The following RAC1 variants were observed in gnomAD, a reference collection of about 807,000 sequenced individuals.
RAC1 encodes ras-related C3 botulinum toxin substrate 1.
Under a neutral mutation model 25.2 loss-of-function variants are expected in RAC1, and 2 were observed. The ratio of observed to expected loss-of-function variants is 0.08; its 90% confidence interval spans 0.03 to 0.25. The LOEUF is 0.25. RAC1 is among the 10% of genes least tolerant of loss of function. The pLI, the probability that RAC1 is intolerant of heterozygous loss-of-function variation, is 1.00. For missense variants in RAC1, 50 were observed against 235.7 expected, an observed-to-expected ratio of 0.21 and a Z score of 5.16; for synonymous variants, 88 against 94.0, an observed-to-expected ratio of 0.94 and a Z score of 0.37.
rs549202600 is a variant in RAC1, at chr7:6,402,249, C to T, written c.449-67C>T. On this transcript the variant is annotated intron_variant, in intron 5 of 5. Transcript: ENST00000348035. ...CGCCCGGGCCCCAGGAGCTGCCTCCCGCTGGTGGTGTGATCAGAAGAGAGT... is the reference window on the plus strand; with the variant it reads ...CGCCCGGGCCCCAGGAGCTGCCTCCTGCTGGTGGTGTGATCAGAAGAGAGT... 336 of 1,532,444 alleles carry T rather than the reference C, an allele frequency of 2.2e-4. 2 individuals are homozygous for T. The highest frequency in any genetic ancestry group is 2.2e-3 in the South Asian group (171 of 78,202). 94.9% of individuals were successfully genotyped at this position (1,532,444 alleles called of 1,614,324 possible). A position where few individuals can be genotyped will look rare whatever the true frequency, so the allele number is the denominator to read the frequency against.
intron 3 of RAC1, 170 bp from the exon 4 acceptor site, chr7:6,399,956 T>C (rs1783349135): frequency 1.6e-6 from 1 of 621,082 alleles, no homozygotes; most frequent in Non-Finnish European, 2.9e-6. Flanking sequence ...CTGGGTTTGG[T>C]TTGGGAGCCC....
chr7:6,391,490 G>A, intron 2 of RAC1: 1 of 187,514 alleles, frequency 5.3e-6, no homozygotes, highest in Middle Eastern at 2.3e-3. Flanking sequence ...CTACACTCAG[G>A]CCTTCTGGAA....
At chr7:6,397,244 A>AAAAAAAAAG (rs145675252) in intron 3 of RAC1, among the ~76,000 whole-genome samples, 1 of 145,778 alleles carries the variant, frequency 6.9e-6, no homozygotes, top group Admixed American at 6.9e-5. Context: ...CTGTCTCAAA[A>AAAAAAAAAG]AAAAAAAAGA....
intron 1 of RAC1, among the ~76,000 whole-genome samples, chr7:6,384,354 C>CA: frequency 1.3e-5 from 2 of 152,318 alleles, no homozygotes; most frequent in East Asian, 3.9e-4. Flanking sequence ...TGCCACACTG[C>CA]AGTTGGAGGC....
intron 3 of RAC1, chr7:6,398,521 T>C: frequency 1.5e-6 from 1 of 663,250 alleles, no homozygotes; most frequent in Non-Finnish European, 2.6e-6. Context: ...TCATCGAAGA[T>C]ATGTTAGAAT....
At chr7:6,379,374 A>T (rs925728484) in intron 1 of RAC1, among the ~76,000 whole-genome samples, 1 of 149,984 alleles carries the variant, frequency 6.7e-6, no homozygotes, top group Middle Eastern at 3.2e-3. Context: ...TCCTGGGTTC[A>T]AGCGATTCTC....
At chr7:6,377,895 A>G (rs999257722) in intron 1 of RAC1, among the ~76,000 whole-genome samples, 2 of 151,994 alleles carry the variant, frequency 1.3e-5, no homozygotes, top group African/African-American at 4.8e-5. Flanking sequence ...ACAGAGGGAA[A>G]CTGTCTTTTT....
rs1783489174 is a variant in RAC1 at position 6,403,847 on chromosome 7, A to T, written c.*1401A>T. The stretch of plus-strand genomic sequence containing the variant: ...GAATACAGCGTGGGACCCTTCAGCC[A>T]CTACAACAGAATTTTTTAAATTGAC... On this transcript the variant is annotated 3_prime_UTR_variant, in exon 6 of 6. Transcript: ENST00000348035. The T allele has an allele frequency of 4.5e-6, 1 of 222,690 alleles. No individual in the cohort carries two copies. The highest frequency in any genetic ancestry group is 6.6e-5 in the East Asian group (1 of 15,248). 13.8% of individuals were successfully genotyped at this position (222,690 alleles called of 1,614,324 possible). A position where few individuals can be genotyped will look rare whatever the true frequency, so the allele number is the denominator to read the frequency against.
intron 1 of RAC1, among the ~76,000 whole-genome samples, chr7:6,386,866 C>T (rs1782937677): frequency 6.6e-6 from 1 of 151,762 alleles, no homozygotes; most frequent in Non-Finnish European, 1.5e-5. Context: ...ATGAGAGGCT[C>T]TACAGATGTT....
chr7:6,391,700 GTTGT>G, intron 2 of RAC1: 1 of 546,696 alleles, frequency 1.8e-6, no homozygotes, highest in South Asian at 2.9e-5. Flanking sequence ...TAAATAGCTT[GTTGT>G]TTGTTTCTTT....
chr7:6,381,878 CTTGT>C (rs1782775232), intron 1 of RAC1, among the ~76,000 whole-genome samples: 3 of 152,172 alleles, frequency 2.0e-5, no homozygotes, highest in African/African-American at 7.2e-5. Flanking sequence ...ATCCCCATAC[CTTGT>C]TTGTCAGTGT....
intron 4 of RAC1, among the ~76,000 whole-genome samples, chr7:6,400,463 G>T (rs1025410883): frequency 1.3e-5 from 2 of 151,918 alleles, no homozygotes; most frequent in African/African-American, 4.8e-5. Context: ...CTGAGTTGCT[G>T]GGACCATAAA....
intron 2 of RAC1, among the ~76,000 whole-genome samples, chr7:6,387,665 CA>C (rs2115193813): frequency 6.6e-6 from 1 of 151,380 alleles, no homozygotes; most frequent in East Asian, 1.9e-4. Context: ...GCGGAGGTTG[CA>C]GTGAGCCAAG....
At chr7:6,402,200 G>A in intron 5 of RAC1, 116 bp from the exon 6 acceptor site, 1 of 1,480,152 alleles carries the variant, frequency 6.8e-7, no homozygotes, top group East Asian at 2.3e-5. Context: ...GAAGGTGGAA[G>A]CAGGGCTGGG....
chr7:6,393,859 C>A (rs769706801), intron 3 of RAC1, among the ~76,000 whole-genome samples: 9 of 152,180 alleles, frequency 5.9e-5, no homozygotes, highest in Non-Finnish European at 1.2e-4. Context: ...TGGACTCCTT[C>A]AGAGATAAGG....
chr7:6,402,113 T>C, intron 5 of RAC1, 86 bp downstream of exon 5: 1 of 1,499,538 alleles, frequency 6.7e-7, no homozygotes. Flanking sequence ...AAGGAGGGTG[T>C]GTGTCTCCCA....
At chr7:6,393,882 C>A (rs1164614319) in intron 3 of RAC1, among the ~76,000 whole-genome samples, 1 of 152,192 alleles carries the variant, frequency 6.6e-6, no homozygotes, top group South Asian at 2.1e-4. Context: ...ATTATCTTGA[C>A]AACTCAGGGG....
intron 3 of RAC1, among the ~76,000 whole-genome samples, chr7:6,399,486 A>G (rs544493809): frequency 4.6e-5 from 7 of 152,056 alleles, no homozygotes; most frequent in Non-Finnish European, 1.0e-4. Flanking sequence ...AGCACCCTCT[A>G]CTCTGTCCTC....
rs2115217550 is a variant in RAC1 at position 6,401,998 on chromosome 7, C to T, written c.419C>T (p.Pro140Leu). The T allele has an allele frequency of 2.5e-6, 4 of 1,614,072 alleles. No homozygotes were observed. The highest frequency in any genetic ancestry group is 1.1e-5 in the South Asian group (1 of 91,058). Reference protein sequence around the residue: ...KEKKLTPITYPQGLAMAKEIG... With the variant: ...KEKKLTPITYLQGLAMAKEIG... The stretch of plus-strand genomic sequence containing the variant: ...AAGAAGCTGACTCCCATCACCTATC[C>T]GCAGGGTCTAGCCATGGCTAAGGAG... Residue 140 changes from proline (P) to leucine (L), a missense_variant, in exon 5 of 6, where the codon CCG (proline) becomes CTG (leucine). Physicochemically the swap from Pro to Leu is moderately conservative, Grantham distance 98. Coordinates refer to ENST00000348035, the MANE Select transcript of RAC1 (RefSeq NM_006908.5).
Sources: gnomAD v4.1 joint callset for allele counts (sites outside exome capture counted in the v4.1 genomes callset) on GRCh38, gnomAD v4.1.1 for gene constraint, MANE v1.5 for transcripts, NCBI Gene and HGNC (gene_info 2026-07-23, HGNC 2026-07-21) for gene names.